SH3BP2: variants seen among roughly 807,000 people sequenced by gnomAD.
SH3BP2 encodes SH3 domain binding protein 2.
A neutral mutation model predicts 56.2 loss-of-function variants in SH3BP2; 38 were observed. That is an observed-to-expected ratio of 0.68 (90% CI 0.52 to 0.89). The LOEUF is 0.89. Ranked by LOEUF, SH3BP2 falls within the 40% of genes least tolerant of loss-of-function variation. The probability of loss-of-function intolerance (pLI) is 0.00; values close to 1 mark genes in which losing one functional copy is unlikely to be tolerated. For missense variants in SH3BP2, 748 were observed against 762.6 expected (o/e 0.98, Z 0.23); for synonymous variants, 346 against 316.7 (o/e 1.09, Z -0.98).
rs768059254 is a variant in SH3BP2, at chr4:2,824,749, A to G, written c.357+19A>G. The G allele has an allele frequency of 1.3e-6, 2 of 1,569,054 alleles. No homozygotes were observed. Among genetic ancestry groups the G allele is most frequent in the South Asian group, 1.1e-5 (1 of 90,236 alleles). On this transcript the variant is annotated intron_variant, in intron 4 of 12. Coordinates refer to ENST00000503393, the MANE Select transcript of SH3BP2 (RefSeq NM_001122681.2). ...GCGCAAGGTGACTGGGGGTCCGAGG[A>G]CGAGTGCAAGGTGACTGGGGGTGTG...
intron 5 of SH3BP2, chr4:2,826,825 A>G: frequency 2.4e-6 from 1 of 424,090 alleles, no homozygotes; most frequent in South Asian, 1.8e-5. Flanking sequence ...ATCTGTGTTT[A>G]TCTGTATACT....
intron 1 of SH3BP2, among the ~76,000 whole-genome samples, chr4:2,817,061 G>A (rs751525841): frequency 6.6e-6 from 1 of 152,236 alleles, no homozygotes; most frequent in Non-Finnish European, 1.5e-5. Context: ...GCAACAGCAG[G>A]GGCTGAGGCC....
At chr4:2,809,899 AG>A in intron 1 of SH3BP2, 1 of 836,394 alleles carries the variant, frequency 1.2e-6, no homozygotes, top group Non-Finnish European at 1.4e-6. Context: ...GCTCAGGGGC[AG>A]GGGAGCAGCT....
chr4:2,826,588 A>G (rs555278224), intron 5 of SH3BP2: 16 of 221,152 alleles, frequency 7.2e-5, no homozygotes, highest in African/African-American at 5.0e-4. Flanking sequence ...GTGTGTGTGC[A>G]TGTCTGTGTG....
At chr4:2,794,634 C>T (rs528346134) in intron 1 of SH3BP2, among the ~76,000 whole-genome samples, 1 of 152,356 alleles carries the variant, frequency 6.6e-6, no homozygotes, top group Non-Finnish European at 1.5e-5. Context: ...AACTGCCAGC[C>T]AGGGCCATCT....
chr4:2,823,114 T>A, intron 3 of SH3BP2, 77 bp downstream of exon 3: 7 of 1,050,094 alleles, frequency 6.7e-6, no homozygotes, highest in Non-Finnish European at 7.3e-6. Flanking sequence ...CAGCTGGGCC[T>A]GCCCCTTATT....
At position 2,829,913 on chromosome 4, in the gene SH3BP2, C is replaced by T. The variant is rs773105147; in HGVS notation, c.1007C>T (p.Ser336Phe). The T allele has an allele frequency of 1.6e-5, 26 of 1,613,810 alleles. No homozygotes were observed. In the South Asian group the frequency reaches 2.5e-4, roughly 16 times the overall value. ...TCCAGAAACTGTGACAAACTCAAGT[C>T]CTTCCACCTGTCCCCCCGAGGACCA... ...ATSRNCDKLKSFHLSPRGPPT... is the reference protein window; with the variant it reads ...ATSRNCDKLKFFHLSPRGPPT... Residue 336 changes from serine to phenylalanine, a missense_variant, in exon 8 of 13, where the codon TCC becomes TTC. Transcript: ENST00000503393. This position sits in a 1 kb window ranked among gnomAD's most constrained non-coding sequence, Gnocchi z 4.9.
chr4:2,832,437 A>G (rs772017569), intron 11 of SH3BP2, 25 bp downstream of exon 11: 104 of 1,589,176 alleles, frequency 6.5e-5, no homozygotes, highest in South Asian at 4.4e-4. Flanking sequence ...AAGATGCCCC[A>G]GGGCCCCTCT....
At chr4:2,811,623 C>T (rs909382473) in intron 1 of SH3BP2, among the ~76,000 whole-genome samples, 9 of 152,300 alleles carry the variant, frequency 5.9e-5, no homozygotes, top group Middle Eastern at 3.4e-3. Context: ...CCGGTGAGTA[C>T]GGGAGCGTGC....
At position 2,839,042 on chromosome 4, in the gene SH3BP2, T is replaced by C. The variant is rs890895386; in HGVS notation, c.*5208T>C. On this transcript the variant is annotated 3_prime_UTR_variant, in exon 13 of 13. Transcript: ENST00000503393. Reference sequence around the variant, plus strand: ...TGGGGTGTATAGTTATGGCCTTAATTTGCATTTAGCTAATTACCAAGGAGA... The same window carrying C: ...TGGGGTGTATAGTTATGGCCTTAATCTGCATTTAGCTAATTACCAAGGAGA... 1.3e-5 allele frequency: 2 copies of C among 152,218 alleles called. No homozygotes were observed. The highest frequency in any genetic ancestry group is 4.8e-5 in the African/African-American group (2 of 41,446). The allele number at this position is 152,218 out of a possible 1,614,324, so 9.4% of individuals were successfully genotyped here.
Position 2,803,301 on chromosome 4 carries a change from C to T in SH3BP2, c.-5+10163C>T, listed in dbSNP as rs188727069. On this transcript the variant is annotated intron_variant, in intron 1 of 12. Transcript: ENST00000503393. ...GACTGGCGCCCCTACTGCATGCCAC[C>T]CCAGCAGGAGCCCCAGGGCCTCGGC... Among the ~76,000 whole-genome samples the T allele has an allele frequency of 1.1e-3, 160 of 152,322 alleles. 2 individuals carry two copies. Among genetic ancestry groups the T allele is most frequent in the African/African-American group, 3.8e-3 (159 of 41,564 alleles).
In SH3BP2 at chr4:2,829,990, A is replaced by C; in HGVS notation, c.1084A>C (p.Ile362Leu). 6.2e-7 allele frequency: 1 copy of C among 1,613,202 alleles called. No individual in the cohort carries two copies. Residue 362 changes from isoleucine (I) to leucine (L), a missense_variant, in exon 8 of 13, where the codon ATA (isoleucine) becomes CTA (leucine). Physicochemically the swap from Ile to Leu is conservative, Grantham distance 5. This residue lies in a region of SH3BP2 where 635 missense variants were observed against 615.0 expected (regional missense o/e 1.03). Coordinates refer to ENST00000503393, the MANE Select transcript of SH3BP2 (RefSeq NM_001122681.2). This position sits in a 1 kb window ranked among gnomAD's most constrained non-coding sequence, Gnocchi z 4.9. ...AGCCAACAAGCCCAAGTTCCTGAAGATAGCTGAAGAGGACCCCCCAAGGGA... is the reference window on the plus strand; with the variant it reads ...AGCCAACAAGCCCAAGTTCCTGAAGCTAGCTGAAGAGGACCCCCCAAGGGA... Reference protein sequence around the residue: ...VPANKPKFLKIAEEDPPREAA... With the variant: ...VPANKPKFLKLAEEDPPREAA...
intron 1 of SH3BP2, among the ~76,000 whole-genome samples, chr4:2,814,034 G>A (rs1237100714): frequency 1.3e-5 from 2 of 152,316 alleles, no homozygotes; most frequent in East Asian, 3.9e-4. Flanking sequence ...TGACCCTGTG[G>A]TCACATGAGG....
Position 2,833,895 on chromosome 4 carries a change from A to C in SH3BP2, c.*61A>C. On this transcript the variant is annotated 3_prime_UTR_variant, in exon 13 of 13. Coordinates refer to ENST00000503393, the MANE Select transcript of SH3BP2 (RefSeq NM_001122681.2). ...CAGGGGCCCTGACCCCAGGCCACACAGACGGACATGGGCCCACATGGGAGG... is the reference window on the plus strand; with the variant it reads ...CAGGGGCCCTGACCCCAGGCCACACCGACGGACATGGGCCCACATGGGAGG... The C allele has an allele frequency of 6.6e-7, 1 of 1,508,462 alleles. No homozygotes were observed. The highest frequency in any genetic ancestry group is 8.9e-7 in the Non-Finnish European group (1 of 1,126,964). The allele number at this position is 1,508,462 out of a possible 1,614,324, so 93.4% of individuals were successfully genotyped here.
chr4:2,828,044 G>A (rs1262546742), intron 7 of SH3BP2, among the ~76,000 whole-genome samples: 5 of 152,266 alleles, frequency 3.3e-5, no homozygotes, highest in South Asian at 4.1e-4. Context: ...AGGCCAGGTC[G>A]TTGTCCCACC....
At position 2,803,826 on chromosome 4, in the gene SH3BP2, G is replaced by A. The variant is rs941710750; in HGVS notation, c.-5+10688G>A. On this transcript the variant is annotated intron_variant, in intron 1 of 12. Transcript: ENST00000503393. ...TTGCTCCCAGGACGCTGGCGGATGT[G>A]TCAACGTGTCTGGGTGGAACAGATG... is the stretch of plus-strand genomic sequence containing the variant. Among the ~76,000 whole-genome samples the A allele has an allele frequency of 3.9e-5, 6 of 152,196 alleles. 1 individual carries two copies. Among genetic ancestry groups the A allele is most frequent in the Admixed American group, 3.3e-4 (5 of 15,286 alleles).
chr4:2,829,621 C>T lies in SH3BP2; in HGVS notation c.715C>T (p.Pro239Ser). 6.2e-7 allele frequency: 1 copy of T among 1,612,672 alleles called. No individual in the cohort carries two copies. The change falls in exon 8 of 13, where the codon CCC becomes TCC. Residue 239 changes from proline (P) to serine (S), a missense_variant. Pro to Ser is a moderately conservative substitution (Grantham distance 74). Transcript: ENST00000503393. The surrounding 1 kb of genome is among the most constrained non-coding windows in gnomAD (Gnocchi z 4.9). ...CCCCGGTCCCCTACTGCCACCCCCG[C>T]CCCCTAAGCACGGCCTCCCAGATGT... ...KGPGPLLPPP[P>S]PKHGLPDVGL...
rs1723533494 is a variant in SH3BP2, at chr4:2,806,323, CGAGGCAGGGTGGG to C, written c.-5+13190_-5+13202del. On this transcript the variant is annotated intron_variant, in intron 1 of 12. Coordinates refer to ENST00000503393, the MANE Select transcript of SH3BP2 (RefSeq NM_001122681.2). Reference sequence around the variant, plus strand: ...GTGAAACCCTTCAGGCCAGGAGAGGCGAGGCAGGGTGGGGAGGAGGTGGGCCCCAGCCTTGGGT... The same window carrying C: ...GTGAAACCCTTCAGGCCAGGAGAGGCGAGGAGGTGGGCCCCAGCCTTGGGT... Among the ~76,000 whole-genome samples the C allele has an allele frequency of 2.0e-5, 3 of 151,968 alleles. No individual in the cohort carries two copies. In the South Asian group the frequency reaches 6.2e-4, roughly 32 times the overall value.
intron 10 of SH3BP2, 175 bp from the exon 11 acceptor site, chr4:2,832,156 C>G (rs1577371205): frequency 1.1e-6 from 1 of 949,412 alleles, no homozygotes; most frequent in East Asian, 2.5e-5. Context: ...GGCACCCTGG[C>G]TGGCCAGGGC....
Sources: gnomAD v4.1 joint callset for allele counts (sites outside exome capture counted in the v4.1 genomes callset) on GRCh38, gnomAD v4.1.1 for gene constraint, gnomAD v4.1.1 regional missense constraint, Gnocchi (gnomAD v3.1) non-coding constraint, MANE v1.5 for transcripts, NCBI Gene and HGNC (gene_info 2026-07-23, HGNC 2026-07-21) for gene names.